Variants in CPED1 observed in about 807,000 individuals in gnomAD.
CPED1 encodes the protein cadherin like and PC-esterase domain containing 1.
In CPED1, 114 loss-of-function variants were observed where a neutral mutation model predicts 128.2. That is an observed-to-expected ratio of 0.89 (90% confidence interval 0.76 to 1.04). CPED1 has a LOEUF of 1.04. Among genes scored for constraint, CPED1 ranks in the 50% least tolerant of loss-of-function variants. The probability of loss-of-function intolerance (pLI) is 0.00; values close to 1 mark genes in which losing one functional copy is unlikely to be tolerated. For synonymous variants in CPED1, 462 were observed against 426.7 expected (o/e 1.08, Z -1.02); for missense variants, 1,211 against 1,207.1 (o/e 1.00, Z -0.05).
intron 7 of CPED1, among the ~76,000 whole-genome samples, chr7:121,102,207 C>T (rs1267931823): frequency 1.3e-5 from 2 of 152,000 alleles, no homozygotes; most frequent in African/African-American, 4.8e-5. Context: ...ATATTGCTGG[C>T]ATGCTTATTT....
chr7:121,095,121 C>A (rs1331784346), intron 5 of CPED1, among the ~76,000 whole-genome samples: 1 of 152,136 alleles, frequency 6.6e-6, no homozygotes, highest in Non-Finnish European at 1.5e-5. Flanking sequence ...GTCATACAGC[C>A]TCATCACCCA....
intron 5 of CPED1, among the ~76,000 whole-genome samples, chr7:121,072,603 A>G (rs187967117): frequency 8.4e-4 from 128 of 152,276 alleles, no homozygotes; most frequent in Non-Finnish European, 1.6e-3. Flanking sequence ...TGTGGTTTAT[A>G]AAAGAAAGTA....
chr7:121,281,038 C>T (rs1168225798), intron 22 of CPED1, among the ~76,000 whole-genome samples: 4 of 152,182 alleles, frequency 2.6e-5, no homozygotes, highest in African/African-American at 7.2e-5. Flanking sequence ...ATCAGAGCAT[C>T]CTCTAATCCA....
Position 121,145,181 on chromosome 7 carries a change from C to A in CPED1, c.2055+3040C>A, listed in dbSNP as rs563216171. 4.3e-4 allele frequency among the ~76,000 whole-genome samples: 66 copies of A among 151,798 alleles called. 1 individual carries two copies. In the South Asian group the frequency reaches 0.013, roughly 31 times the overall value. ...TTATGTATACTGCATATAAATTATA[C>A]CTCAATAAATTAGGAAAAAAGATTG... On this transcript the variant is annotated intron_variant, in intron 16 of 22. Coordinates refer to ENST00000310396, the MANE Select transcript of CPED1 (RefSeq NM_024913.5).
intron 18 of CPED1, among the ~76,000 whole-genome samples, chr7:121,260,762 G>T (rs1791997626): frequency 6.6e-6 from 1 of 152,048 alleles, no homozygotes; most frequent in Non-Finnish European, 1.5e-5. Flanking sequence ...GTTCTAGTGG[G>T]TTCCTGTTAA....
rs71170226 is a variant in CPED1, at chr7:121,088,763, C to CA, written c.617-8907dup. Among the ~76,000 whole-genome samples, 323 of 53,794 alleles carry CA rather than the reference C, an allele frequency of 6.0e-3. 11 individuals are homozygous for CA. Among genetic ancestry groups the CA allele is most frequent in the African/African-American group, 0.014 (221 of 15,864 alleles). The allele number at this position is 53,794 out of a possible 152,430, so 35.3% of individuals were successfully genotyped here. The stretch of plus-strand genomic sequence containing the variant: ...AAGTTAAAATCTAGGCAAAAATTGG[C>CA]AAAAAAAAAAAAAAAAAAAAAAAAA... On this transcript the variant is annotated intron_variant, in intron 5 of 22. Coordinates refer to ENST00000310396, the MANE Select transcript of CPED1 (RefSeq NM_024913.5).
At chr7:120,994,625 C>CTGTGTGTGTGTGTGTGTGTGTGTG (rs35288728) in intron 2 of CPED1, among the ~76,000 whole-genome samples, 11 of 144,570 alleles carry the variant, frequency 7.6e-5, no homozygotes, top group African/African-American at 2.9e-4. Context: ...ATTTGTTATA[C>CTGTGTGTGTGTGTGTGTGTGTGTG]TGTGTGTGTG....
chr7:121,058,921 GATTACTAATCCC>G (rs1203237275), intron 4 of CPED1, among the ~76,000 whole-genome samples: 1 of 152,198 alleles, frequency 6.6e-6, no homozygotes, highest in Non-Finnish European at 1.5e-5. Context: ...CTCAAATTAA[GATTACTAATCCC>G]ATTAGAGCTT....
intron 16 of CPED1, among the ~76,000 whole-genome samples, chr7:121,158,122 G>C (rs1241100944): frequency 6.6e-6 from 1 of 152,124 alleles, no homozygotes; most frequent in Non-Finnish European, 1.5e-5. Flanking sequence ...ATGTTCAATA[G>C]CCAATCAGCA....
intron 7 of CPED1, among the ~76,000 whole-genome samples, chr7:121,117,256 A>G (rs1271497051): frequency 6.6e-6 from 1 of 151,092 alleles, no homozygotes; most frequent in Admixed American, 6.6e-5. Flanking sequence ...GAGTACCACC[A>G]TGCCGGGCTA....
At chr7:121,194,037 TATATATA>T (rs1486456905) in intron 16 of CPED1, among the ~76,000 whole-genome samples, 2 of 110,154 alleles carry the variant, frequency 1.8e-5, no homozygotes, top group African/African-American at 7.4e-5. Flanking sequence ...TATATATATA[TATATATA>T]TATATTTTTT....
intron 3 of CPED1, among the ~76,000 whole-genome samples, chr7:121,019,264 G>A (rs991261351): frequency 1.5e-4 from 23 of 152,072 alleles, no homozygotes; most frequent in Middle Eastern, 3.4e-3. Context: ...TATGACTTAC[G>A]CAAGTTAAGT....
chr7:121,015,448 T>A (rs1792275708), intron 2 of CPED1, among the ~76,000 whole-genome samples: 1 of 152,208 alleles, frequency 6.6e-6, no homozygotes, highest in Admixed American at 6.5e-5. Context: ...GCCTAAAATT[T>A]TCATCTTTCT....
chr7:121,284,146 T>G (rs1016331051), intron 22 of CPED1, among the ~76,000 whole-genome samples: 1 of 152,324 alleles, frequency 6.6e-6, no homozygotes, highest in African/African-American at 2.4e-5. Context: ...CTTCTTTACA[T>G]GGCGGCTGCA....
intron 18 of CPED1, among the ~76,000 whole-genome samples, chr7:121,258,817 CAGTG>C (rs1439426870): frequency 1.3e-5 from 2 of 152,032 alleles, no homozygotes; most frequent in Non-Finnish European, 2.9e-5. Context: ...GAATTTTTAA[CAGTG>C]AGAATCCAGA....
intron 7 of CPED1, among the ~76,000 whole-genome samples, chr7:121,118,516 C>T (rs189869911): frequency 1.1e-3 from 167 of 146,204 alleles, no homozygotes; most frequent in African/African-American, 3.8e-3. Context: ...GCTGAGATCA[C>T]ACCACTGTAC....
chr7:121,068,162 T>C lies in CPED1; in HGVS notation c.616+3849T>C, dbSNP rs188495358. 5.6e-3 allele frequency among the ~76,000 whole-genome samples: 849 copies of C among 152,372 alleles called. 10 individuals carry two copies. Among genetic ancestry groups the C allele is most frequent in the Middle Eastern group, 0.017 (5 of 294 alleles). ...TTTTGGCTTTTGTTGCCATTGCTTTTGGTGTTTTAGACAAGAAGTCCTTGC... is the reference window on the plus strand; with the variant it reads ...TTTTGGCTTTTGTTGCCATTGCTTTCGGTGTTTTAGACAAGAAGTCCTTGC... On this transcript the variant is annotated intron_variant, in intron 5 of 22. Transcript: ENST00000310396.
chr7:121,079,112 A>G (rs962976528), intron 5 of CPED1, among the ~76,000 whole-genome samples: 6 of 152,296 alleles, frequency 3.9e-5, no homozygotes, highest in African/African-American at 1.2e-4. Context: ...TAAAGGCCCT[A>G]TCTTCACATA....
chr7:121,141,064 C>T, intron 15 of CPED1, 51 bp downstream of exon 15: 2 of 1,405,160 alleles, frequency 1.4e-6, no homozygotes, highest in South Asian at 1.6e-5. Flanking sequence ...GGGAAGTAGA[C>T]ATTTGATGCA....
Sources: allele counts gnomAD v4.1 joint callset (sites outside exome capture counted in the v4.1 genomes callset), GRCh38; gene constraint gnomAD v4.1.1; transcripts MANE v1.5; gene names NCBI Gene and HGNC (gene_info 2026-07-23, HGNC 2026-07-21).